Variants in PCDHA4 observed in about 807,000 individuals in gnomAD.
PCDHA4 encodes the protein protocadherin alpha-4.
Under a neutral mutation model 61.4 loss-of-function variants are expected in PCDHA4, and 49 were observed. The observed-to-expected ratio is 0.80, with a 90% CI of 0.63 to 1.01. The LOEUF (loss-of-function observed/expected upper bound fraction) is 1.01. Ranked by LOEUF, PCDHA4 falls within the 50% of genes least tolerant of loss-of-function variation. The pLI is 0.00. For synonymous variants in PCDHA4, 590 were observed against 550.3 expected, an observed-to-expected ratio of 1.07 and a Z score of -1.01; for missense variants, 1,254 against 1,235.8, an observed-to-expected ratio of 1.01 and a Z score of -0.22.
intron 3 of PCDHA4, among the ~76,000 whole-genome samples, chr5:141,009,358 C>G (rs993815936): frequency 8.5e-5 from 13 of 152,116 alleles, no homozygotes; most frequent in Admixed American, 6.6e-5. Flanking sequence ...ACTTGGGAGG[C>G]TAAGATGGGA....
At chr5:140,990,341 C>A (rs2097389083) in intron 3 of PCDHA4, among the ~76,000 whole-genome samples, 1 of 152,110 alleles carries the variant, frequency 6.6e-6, no homozygotes, top group South Asian at 2.1e-4. Flanking sequence ...ATAAGTAAAG[C>A]CTGCCCTGTA....
intron 3 of PCDHA4, among the ~76,000 whole-genome samples, chr5:140,989,714 A>T (rs2097355942): frequency 6.6e-6 from 1 of 152,202 alleles, no homozygotes; most frequent in Non-Finnish European, 1.5e-5. Context: ...AGAGGCAGTC[A>T]GCTTTGCAGT....
At chr5:140,963,705 C>T (rs1351751729) in intron 1 of PCDHA4, among the ~76,000 whole-genome samples, 1 of 152,130 alleles carries the variant, frequency 6.6e-6, no homozygotes, top group Non-Finnish European at 1.5e-5. Flanking sequence ...ATCTAAAGGG[C>T]CATGCTACAT....
intron 1 of PCDHA4, among the ~76,000 whole-genome samples, chr5:140,903,300 T>C (rs1368072567): frequency 6.6e-6 from 1 of 152,184 alleles, no homozygotes; most frequent in Non-Finnish European, 1.5e-5. Context: ...GGAAATTTAG[T>C]ATACAATAAA....
intron 1 of PCDHA4, chr5:140,869,468 A>T (rs1221686748): frequency 1.9e-5 from 31 of 1,614,054 alleles, no homozygotes; most frequent in Non-Finnish European, 2.6e-5. Flanking sequence ...GTGAACGTGG[A>T]GGTGAAGGAC....
intron 1 of PCDHA4, chr5:140,816,193 T>G (rs1765862162): frequency 6.6e-6 from 1 of 152,218 alleles, no homozygotes; most frequent in Non-Finnish European, 1.5e-5. Context: ...TTTACTCTCT[T>G]TCATTTCTTG....
intron 1 of PCDHA4, chr5:140,836,942 A>C: frequency 2.2e-6 from 1 of 454,226 alleles, no homozygotes; most frequent in Non-Finnish European, 3.8e-6. Flanking sequence ...CTATAGATCA[A>C]AATCTATGGT....
In PCDHA4 at chr5:140,967,952, C is replaced by T. The variant is rs562783714; in HGVS notation, c.2386-10997C>T. ...CAGTGTCAATGACCAAGACTCAGGC[C>T]CCAACCGGAAAGTGAGCCTGGGTCT... is the stretch of plus-strand genomic sequence containing the variant. On this transcript the variant is annotated intron_variant, in intron 1 of 3. Coordinates refer to ENST00000530339, the MANE Select transcript of PCDHA4 (RefSeq NM_018907.4). The T allele has an allele frequency of 3.1e-6, 5 of 1,614,176 alleles. No individual in the cohort carries two copies. In the African/African-American group the frequency reaches 6.7e-5, roughly 22 times the overall value.
intron 1 of PCDHA4, among the ~76,000 whole-genome samples, chr5:140,880,091 C>A (rs925970617): frequency 6.6e-6 from 1 of 152,106 alleles, no homozygotes; most frequent in African/African-American, 2.4e-5. Context: ...TTATAGTAGG[C>A]TTAAAATCAT....
At chr5:140,966,972 T>G (rs1554229007) in intron 1 of PCDHA4, 1 of 1,602,828 alleles carries the variant, frequency 6.2e-7, no homozygotes, top group African/African-American at 1.3e-5. Flanking sequence ...GGGCTTGAGC[T>G]GCGGCGCTTG....
chr5:140,856,716 G>A, intron 1 of PCDHA4: 1 of 1,596,628 alleles, frequency 6.3e-7, no homozygotes. Context: ...GAATTTACCG[G>A]ATCTGTTTCT....
Position 140,966,702 on chromosome 5 carries a change from G to A in PCDHA4, c.2386-12247G>A, listed in dbSNP as rs2153748522. On this transcript the variant is annotated intron_variant, in intron 1 of 3. Transcript: ENST00000530339. Reference sequence around the variant, plus strand: ...ACGAGCGGAGGCGGGGCCCGGGCGTGGGGCACGGCTGGGGAAGCTGCCGCC... The same window carrying A: ...ACGAGCGGAGGCGGGGCCCGGGCGTAGGGCACGGCTGGGGAAGCTGCCGCC... 3.7e-6 allele frequency: 5 copies of A among 1,367,880 alleles called. No homozygotes were observed. The South Asian group carries it at 6.9e-5, about 19-fold the overall frequency. 84.7% of individuals were successfully genotyped at this position (1,367,880 alleles called of 1,614,324 possible).
Position 140,823,914 on chromosome 5 carries a change from G to T in PCDHA4, c.2385+14342G>T, listed in dbSNP as rs151078612. 1.2e-5 allele frequency: 20 copies of T among 1,613,874 alleles called. No individual in the cohort carries two copies. In the African/African-American group the frequency reaches 2.0e-4, roughly 16 times the overall value. Reference sequence around the variant, plus strand: ...CGGTGTCCAGCCTGCTGGTGCTCACGCTGCTGCTGTACACCGCGCTGCGGT... The same window carrying T: ...CGGTGTCCAGCCTGCTGGTGCTCACTCTGCTGCTGTACACCGCGCTGCGGT... On this transcript the variant is annotated intron_variant, in intron 1 of 3. Coordinates refer to ENST00000530339, the MANE Select transcript of PCDHA4 (RefSeq NM_018907.4).
intron 1 of PCDHA4, chr5:140,836,302 C>T (rs2150257183): frequency 1.7e-5 from 28 of 1,613,614 alleles, no homozygotes; most frequent in Non-Finnish European, 2.3e-5. Context: ...CTAGATGAGA[C>T]GGACGCACCG....
intron 1 of PCDHA4, among the ~76,000 whole-genome samples, chr5:140,889,411 T>A (rs1262087176): frequency 6.6e-6 from 1 of 152,020 alleles, no homozygotes; most frequent in Non-Finnish European, 1.5e-5. Flanking sequence ...CTCGAGTCAG[T>A]TACGTAGATA....
Position 140,828,379 on chromosome 5 carries a change from C to T in PCDHA4, c.2385+18807C>T, listed in dbSNP as rs2150154694. The T allele has an allele frequency of 1.9e-6, 3 of 1,614,236 alleles. No individual in the cohort carries two copies. In the South Asian group the frequency reaches 3.3e-5, roughly 18 times the overall value. On this transcript the variant is annotated intron_variant, in intron 1 of 3. Transcript: ENST00000530339. ...CTCGGATCGACCGCGAGGAGCTGTG[C>T]GGGCGGAGCGCGGAGTGCAGCATCC...
intron 1 of PCDHA4, chr5:140,929,268 AAT>A (rs782372972): frequency 7.4e-6 from 12 of 1,611,594 alleles, no homozygotes; most frequent in Non-Finnish European, 1.0e-5. Flanking sequence ...TGAATTTGCC[AAT>A]ATCCTGTATT....
At chr5:140,902,895 T>C (rs1554190698) in intron 1 of PCDHA4, among the ~76,000 whole-genome samples, 1 of 152,222 alleles carries the variant, frequency 6.6e-6, no homozygotes, top group Non-Finnish European at 1.5e-5. Flanking sequence ...TATTATTTTA[T>C]TTAGTTTATG....
At chr5:140,824,558 C>T in intron 1 of PCDHA4, 1 of 175,812 alleles carries the variant, frequency 5.7e-6, no homozygotes, top group Non-Finnish European at 1.2e-5. Context: ...CTCAAGTGAT[C>T]CTCCTATCTC....
Sources: gnomAD v4.1 joint callset for allele counts (sites outside exome capture counted in the v4.1 genomes callset) on GRCh38, gnomAD v4.1.1 for gene constraint, MANE v1.5 for transcripts, NCBI Gene and HGNC (gene_info 2026-07-23, HGNC 2026-07-21) for gene names.